MAD1L1: variants seen among roughly 807,000 people sequenced by gnomAD.
MAD1L1 encodes the protein mitotic arrest deficient 1 like 1, also known as mitotic spindle assembly checkpoint protein MAD1.
Under a neutral mutation model 96.9 loss-of-function variants are expected in MAD1L1, and 95 were observed. The ratio of observed to expected loss-of-function variants is 0.98; its 90% CI spans 0.83 to 1.16. The LOEUF is 1.16. MAD1L1 is among the 50% of genes most tolerant of loss of function. MAD1L1 has a pLI of 0.00. For missense variants in MAD1L1, 1,007 were observed against 954.4 expected, an observed-to-expected ratio of 1.06 and a Z score of -0.73; for synonymous variants, 473 against 396.6, an observed-to-expected ratio of 1.19 and a Z score of -2.29.
chr7:1,839,272 TC>T (rs1176038125), intron 18 of MAD1L1, among the ~76,000 whole-genome samples: 1 of 151,894 alleles, frequency 6.6e-6, no homozygotes, highest in Non-Finnish European at 1.5e-5. Context: ...CACCGTCTAG[TC>T]CCCACCCAGG....
chr7:1,997,842 AAG>A (rs1006136673), intron 14 of MAD1L1, among the ~76,000 whole-genome samples: 17 of 152,310 alleles, frequency 1.1e-4, no homozygotes, highest in African/African-American at 4.1e-4. Flanking sequence ...TTTGCATGGC[AAG>A]AGGGGCACAC....
chr7:2,079,902 G>C, intron 11 of MAD1L1: 1 of 377,128 alleles, frequency 2.7e-6, no homozygotes, highest in Non-Finnish European at 5.3e-6. Flanking sequence ...AGAAAAAAGA[G>C]AAGCCACAGA....
rs529216797 is a variant in MAD1L1 at position 1,827,783 on chromosome 7, C to A, written c.1999-11555G>T. On this transcript the variant is annotated intron_variant, in intron 18 of 18. Transcript: ENST00000265854. Reference sequence around the variant, plus strand: ...CCCGTCCCGGGTGTGGGGTCCTCCCCTCCTGAGCCCGTCCCGGGTGTGGGG... The same window carrying A: ...CCCGTCCCGGGTGTGGGGTCCTCCCATCCTGAGCCCGTCCCGGGTGTGGGG... Among the ~76,000 whole-genome samples, 52 of 151,348 alleles carry A rather than the reference C, an allele frequency of 3.4e-4. 1 individual carries two copies. The South Asian group carries it at 9.2e-3, about 27-fold the overall frequency.
chr7:1,909,205 C>A (rs1229651374), intron 17 of MAD1L1, among the ~76,000 whole-genome samples: 3 of 152,164 alleles, frequency 2.0e-5, no homozygotes, highest in Non-Finnish European at 2.9e-5. Flanking sequence ...ACCAAGGATC[C>A]CCTGCACGCT....
At chr7:2,020,407 G>C (rs1356149402) in intron 12 of MAD1L1, among the ~76,000 whole-genome samples, 1 of 152,240 alleles carries the variant, frequency 6.6e-6, no homozygotes, top group African/African-American at 2.4e-5. Context: ...CCTTCCTGCG[G>C]CTCTGACCCT....
At chr7:1,892,202 C>G (rs1786587251) in intron 18 of MAD1L1, among the ~76,000 whole-genome samples, 1 of 152,224 alleles carries the variant, frequency 6.6e-6, no homozygotes, top group South Asian at 2.1e-4. Context: ...GCACTGCACA[C>G]TTTTGCAGCT....
chr7:1,922,681 G>A (rs1413850289), intron 17 of MAD1L1, among the ~76,000 whole-genome samples: 8 of 152,222 alleles, frequency 5.3e-5, no homozygotes, highest in African/African-American at 9.6e-5. Flanking sequence ...GGACCAAGGC[G>A]GTGAGAGGGA....
rs1404616487 is a variant in MAD1L1 at position 1,815,967 on chromosome 7, G to A, written c.*103C>T. The A allele has an allele frequency of 1.2e-5, 16 of 1,327,468 alleles. No homozygotes were observed. Among genetic ancestry groups the A allele is most frequent in the African/African-American group, 2.9e-5 (2 of 68,300 alleles). 82.2% of individuals were successfully genotyped at this position (1,327,468 alleles called of 1,614,324 possible). A position where few individuals can be genotyped will look rare whatever the true frequency, so the allele number is the denominator to read the frequency against. On this transcript the variant is annotated 3_prime_UTR_variant, in exon 19 of 19. Transcript: ENST00000265854. Reference sequence around the variant, plus strand: ...TGTCAGTCATGCTGCTGCCCTGTGGGGCTGGAGAGGCAGGACGTGCACCCA... The same window carrying A: ...TGTCAGTCATGCTGCTGCCCTGTGGAGCTGGAGAGGCAGGACGTGCACCCA...
At chr7:2,010,765 C>A (rs540321912) in intron 13 of MAD1L1, among the ~76,000 whole-genome samples, 37 of 152,322 alleles carry the variant, frequency 2.4e-4, no homozygotes, top group African/African-American at 7.2e-4. Context: ...GGCGACTACC[C>A]CGAGCCCACC....
intron 12 of MAD1L1, among the ~76,000 whole-genome samples, chr7:2,038,999 A>T (rs1180435439): frequency 6.6e-6 from 1 of 152,040 alleles, no homozygotes; most frequent in African/African-American, 2.4e-5. Context: ...TCACCACAAA[A>T]ACCCCTCGGG....
At chr7:1,819,043 C>T (rs1781984468) in intron 18 of MAD1L1, among the ~76,000 whole-genome samples, 2 of 152,106 alleles carry the variant, frequency 1.3e-5, no homozygotes, top group South Asian at 4.1e-4. Flanking sequence ...GAGGCTCCAC[C>T]TCGGTCTAAC....
At chr7:2,150,141 G>T (rs1789498777) in intron 10 of MAD1L1, among the ~76,000 whole-genome samples, 1 of 152,168 alleles carries the variant, frequency 6.6e-6, no homozygotes, top group Non-Finnish European at 1.5e-5. Flanking sequence ...GAGCAACGGG[G>T]ACCCCGACAT....
chr7:2,176,177 G>A (rs138330007), intron 10 of MAD1L1, among the ~76,000 whole-genome samples: 15 of 152,124 alleles, frequency 9.9e-5, no homozygotes, highest in African/African-American at 2.4e-4. Flanking sequence ...CCAAAACCTC[G>A]TCACTACTGA....
intron 18 of MAD1L1, among the ~76,000 whole-genome samples, chr7:1,884,287 A>T (rs1785874958): frequency 6.6e-6 from 1 of 152,016 alleles, no homozygotes; most frequent in Non-Finnish European, 1.5e-5. Flanking sequence ...GCCCCTGGCC[A>T]CCCACCCATG....
At chr7:1,964,918 G>A (rs1780098051) in intron 15 of MAD1L1, among the ~76,000 whole-genome samples, 1 of 152,200 alleles carries the variant, frequency 6.6e-6, no homozygotes. Context: ...GAGACCCGAG[G>A]CCCAACGGGC....
intron 18 of MAD1L1, among the ~76,000 whole-genome samples, chr7:1,827,960 G>A (rs1226920283): frequency 2.6e-5 from 4 of 152,156 alleles, no homozygotes; most frequent in East Asian, 1.9e-4. Flanking sequence ...GGAGCGCCAC[G>A]CTTAGGGCAA....
intron 15 of MAD1L1, 109 bp downstream of exon 15, chr7:1,980,344 A>C: frequency 1.1e-6 from 1 of 879,164 alleles, no homozygotes; most frequent in Admixed American, 2.4e-5. Flanking sequence ...CCCCCACAGG[A>C]CACACCTGGG....
intron 12 of MAD1L1, among the ~76,000 whole-genome samples, chr7:2,063,387 A>G (rs140145699): frequency 1.1e-4 from 17 of 152,330 alleles, no homozygotes; most frequent in South Asian, 2.1e-4. Context: ...GGGCTTTGAA[A>G]TAAAGGCAAG....
At chr7:2,111,089 G>A (rs1162948087) in intron 11 of MAD1L1, among the ~76,000 whole-genome samples, 3 of 152,176 alleles carry the variant, frequency 2.0e-5, no homozygotes, top group Non-Finnish European at 4.4e-5. Flanking sequence ...GGCACGCTGC[G>A]GCCAAGTCCT....
Sources: allele counts gnomAD v4.1 joint callset (sites outside exome capture counted in the v4.1 genomes callset), GRCh38; gene constraint gnomAD v4.1.1; transcripts MANE v1.5; gene names NCBI Gene and HGNC (gene_info 2026-07-23, HGNC 2026-07-21).